The following NAA25 variants were observed in gnomAD, a reference collection of about 807,000 sequenced individuals.
NAA25 encodes the protein N-terminal acetyltransferase B complex subunit NAA25.
Under a neutral mutation model 132.5 loss-of-function variants are expected in NAA25, and 30 were observed. The observed-to-expected ratio is 0.23, with a 90% confidence interval of 0.17 to 0.31. The LOEUF is 0.31. Ranked by LOEUF, NAA25 falls within the 10% of genes least tolerant of loss-of-function variation. The pLI, the probability that NAA25 is intolerant of heterozygous loss-of-function variation, is 1.00. For synonymous variants in NAA25, 359 were observed against 401.9 expected (o/e 0.89, Z 1.28); for missense variants, 771 against 1,150.4 (o/e 0.67, Z 4.77).
At chr12:112,104,974 G>A (rs918983165) in intron 1 of NAA25, among the ~76,000 whole-genome samples, 11 of 151,612 alleles carry the variant, frequency 7.3e-5, no homozygotes, top group Non-Finnish European at 1.5e-4. Context: ...CCAAGATCGC[G>A]CCACTGCATT....
intron 12 of NAA25, among the ~76,000 whole-genome samples, chr12:112,060,912 C>A (rs565155657): frequency 1.3e-5 from 2 of 152,068 alleles, no homozygotes; most frequent in Non-Finnish European, 2.9e-5. Context: ...TGATAATTAT[C>A]ATAAACTATG....
chr12:112,084,514 G>A (rs796200673), intron 4 of NAA25, among the ~76,000 whole-genome samples: 5 of 152,336 alleles, frequency 3.3e-5, no homozygotes, highest in African/African-American at 1.2e-4. Context: ...GCGTGGGCGG[G>A]GCACAGTGGC....
In NAA25 at chr12:112,069,301, T is replaced by A. The variant is rs557800852; in HGVS notation, c.1037-309A>T. 1.9e-3 allele frequency: 464 copies of A among 239,244 alleles called. 8 individuals are homozygous for A. The South Asian group carries it at 0.027, about 14-fold the overall frequency. The allele number at this position is 239,244 out of a possible 1,614,324, so 14.8% of individuals were successfully genotyped here. On this transcript the variant is annotated intron_variant, in intron 10 of 23. Coordinates refer to ENST00000261745, the MANE Select transcript of NAA25 (RefSeq NM_024953.4). ...CGGGCAATCCCTTGAAGTCAGGAGT[T>A]CAAGACCAGCCTGGCAACATGGTGA...
At chr12:112,088,683 C>T (rs967822086) in intron 3 of NAA25, among the ~76,000 whole-genome samples, 18 of 149,554 alleles carry the variant, frequency 1.2e-4, no homozygotes, top group Non-Finnish European at 7.4e-5. Flanking sequence ...TGCAATGGTG[C>T]GATCTCGGCT....
In NAA25 at chr12:112,093,056, C is replaced by T; in HGVS notation, c.139G>A (p.Ala47Thr). 1.2e-6 allele frequency: 2 copies of T among 1,608,204 alleles called. No individual in the cohort carries two copies. The highest frequency in any genetic ancestry group is 1.7e-6 in the Non-Finnish European group (2 of 1,175,658). Reference protein sequence around the residue: ...LLKKHKDLHCAKVLKAIGLQR... With the variant: ...LLKKHKDLHCTKVLKAIGLQR... ...TGAAGGGCAAATGAAGTTACCTTAG[C>T]ACAATGAAGATCCTTATGTTTCTTC... Residue 47 changes from alanine to threonine, a missense_variant, in exon 2 of 24, where the codon GCT (alanine) becomes ACT (threonine). By Grantham distance (58) the Ala-to-Thr change is moderately conservative (BLOSUM62 0). This residue lies in a region of NAA25 where 417 missense variants were observed against 733.8 expected (regional missense o/e 0.57). Transcript: ENST00000261745.
rs1017362997 is a variant in NAA25, at chr12:112,028,096, C to T, written c.*1435G>A. 6.6e-6 allele frequency: 1 copy of T among 152,264 alleles called. No homozygotes were observed. The highest frequency in any genetic ancestry group is 2.1e-4 in the South Asian group (1 of 4,826). The allele number at this position is 152,264 out of a possible 1,614,324, so 9.4% of individuals were successfully genotyped here. On this transcript the variant is annotated 3_prime_UTR_variant, in exon 24 of 24. Transcript: ENST00000261745. ...GGACAAAATGCAATTACTTTGCGTA[C>T]ACAGATATTCCCAGCTCTCTTGGTT...
rs557196323 is a variant in NAA25, at chr12:112,054,949, T to C, written c.1448-381A>G. Reference sequence around the variant, plus strand: ...TAAAACCCCAGACAGATGTTATCTATAGACATCATTTTTCTTCCATATGTA... The same window carrying C: ...TAAAACCCCAGACAGATGTTATCTACAGACATCATTTTTCTTCCATATGTA... On this transcript the variant is annotated intron_variant, in intron 13 of 23. Coordinates refer to ENST00000261745, the MANE Select transcript of NAA25 (RefSeq NM_024953.4). Among the ~76,000 whole-genome samples the C allele has an allele frequency of 5.3e-5, 8 of 152,322 alleles. No individual in the cohort carries two copies. The East Asian group carries it at 5.8e-4, about 11-fold the overall frequency.
intron 17 of NAA25, among the ~76,000 whole-genome samples, chr12:112,045,572 A>T (rs2078369676): frequency 6.6e-6 from 1 of 151,626 alleles, no homozygotes; most frequent in Non-Finnish European, 1.5e-5. Flanking sequence ...AGATGGGGGG[A>T]TCAACAGAGG....
chr12:112,057,550 A>AAT (rs2078565286), intron 13 of NAA25, among the ~76,000 whole-genome samples: 2 of 152,262 alleles, frequency 1.3e-5, no homozygotes, highest in South Asian at 4.2e-4. Context: ...TCCCTGGTAC[A>AAT]ATATAGTGTC....
At position 112,074,817 on chromosome 12, in the gene NAA25, C is replaced by A. The variant is rs560448664; in HGVS notation, c.777-53G>T. ...GGATTAAACCCAAGTTGTGACAGATCTTCCTTAGGAACCATGATATTCAAT... is the reference window on the plus strand; with the variant it reads ...GGATTAAACCCAAGTTGTGACAGATATTCCTTAGGAACCATGATATTCAAT... On this transcript the variant is annotated intron_variant, in intron 8 of 23. Transcript: ENST00000261745. 12 of 1,193,322 alleles carry A rather than the reference C, an allele frequency of 1.0e-5. No homozygotes were observed. In the African/African-American group the frequency reaches 1.7e-4, roughly 17 times the overall value. 73.9% of individuals were successfully genotyped at this position (1,193,322 alleles called of 1,614,324 possible). A position where few individuals can be genotyped will look rare whatever the true frequency, so the allele number is the denominator to read the frequency against.
intron 15 of NAA25, among the ~76,000 whole-genome samples, chr12:112,052,314 A>T (rs2078479357): frequency 6.6e-6 from 1 of 152,190 alleles, no homozygotes; most frequent in African/African-American, 2.4e-5. Context: ...CCTTCTGAGT[A>T]ACATGCTCAG....
At chr12:112,078,078 ATCAAAAGTGTTTATG>A in intron 7 of NAA25, 95 bp downstream of exon 7, 1 of 720,014 alleles carries the variant, frequency 1.4e-6, no homozygotes, top group Non-Finnish European at 2.4e-6. Flanking sequence ...TAACAAAATG[ATCAAAAGTGTTTATG>A]TCTTTATATC....
At position 112,054,444 on chromosome 12, in the gene NAA25, T is replaced by C; in HGVS notation, c.1572A>G (p.Pro524=). 1 of 1,614,174 alleles carries C rather than the reference T, an allele frequency of 6.2e-7. No homozygotes were observed. Among genetic ancestry groups the C allele is most frequent in the Non-Finnish European group, 8.5e-7 (1 of 1,180,024 alleles). The part of the protein sequence containing the change: ...RIYCMLGAFE[P]VVDLYSSLDA... Reference sequence around the variant, plus strand: ...CGAGGCTGGAGTAAAGATCCACCACTGGTTCAAATGCACCCAGCATACAGT... The same window carrying C: ...CGAGGCTGGAGTAAAGATCCACCACCGGTTCAAATGCACCCAGCATACAGT... Residue 524 remains proline (P), a synonymous_variant, in exon 14 of 24, where the codon CCA becomes CCG. Coordinates refer to ENST00000261745, the MANE Select transcript of NAA25 (RefSeq NM_024953.4).
chr12:112,089,935 G>A (rs767146304), intron 3 of NAA25, among the ~76,000 whole-genome samples: 6 of 149,872 alleles, frequency 4.0e-5, no homozygotes, highest in East Asian at 4.2e-4. Context: ...TGGAAGTTTC[G>A]ATTCTCCTGC....
chr12:112,078,235 A>C lies in NAA25; in HGVS notation c.617T>G (p.Leu206Trp). 1 of 1,610,888 alleles carries C rather than the reference A, an allele frequency of 6.2e-7. No individual in the cohort carries two copies. The highest frequency in any genetic ancestry group is 8.5e-7 in the Non-Finnish European group (1 of 1,178,910). ...ATCCAAGGCCTCCTGGTACTTTCCC[A>C]AACGTTCCAGGATCATATAATAAAG... ...VELYYMILER[L>W]GKYQEALDVI... Residue 206 changes from leucine to tryptophan, a missense_variant, in exon 7 of 24, where the codon TTG (leucine) becomes TGG (tryptophan). Around this residue, in one of 3 missense-constraint regions of NAA25, gnomAD observed 417 missense variants for 733.8 expected, o/e 0.57. Coordinates refer to ENST00000261745, the MANE Select transcript of NAA25 (RefSeq NM_024953.4).
intron 10 of NAA25, among the ~76,000 whole-genome samples, chr12:112,070,455 T>C (rs189099848): frequency 6.6e-6 from 1 of 152,250 alleles, no homozygotes; most frequent in Non-Finnish European, 1.5e-5. Context: ...GTTTTGTGAG[T>C]GCTTCAAGCA....
At chr12:112,073,132 G>T (rs1485303089) in intron 9 of NAA25, among the ~76,000 whole-genome samples, 1 of 151,786 alleles carries the variant, frequency 6.6e-6, no homozygotes, top group Non-Finnish European at 1.5e-5. Flanking sequence ...CTGCTTTTGG[G>T]GCTGAGGCAA....
At chr12:112,068,085 C>T (rs1329303727) in intron 11 of NAA25, among the ~76,000 whole-genome samples, 1 of 152,032 alleles carries the variant, frequency 6.6e-6, no homozygotes, top group East Asian at 1.9e-4. Flanking sequence ...GTCGCTCAGG[C>T]TGGAGTGCAG....
intron 9 of NAA25, among the ~76,000 whole-genome samples, chr12:112,073,919 G>T (rs909982991): frequency 6.7e-6 from 1 of 148,602 alleles, no homozygotes; most frequent in African/African-American, 2.5e-5. Context: ...CCACTGGGGG[G>T]AAAAAAAATG....
Sources: gnomAD v4.1 joint callset for allele counts (sites outside exome capture counted in the v4.1 genomes callset) on GRCh38, gnomAD v4.1.1 for gene constraint, gnomAD v4.1.1 regional missense constraint, MANE v1.5 for transcripts, NCBI Gene and HGNC (gene_info 2026-07-23, HGNC 2026-07-21) for gene names.